The following PRSS23 variants were observed in gnomAD, a reference collection of about 807,000 sequenced individuals.
The protein encoded by PRSS23 is protease, serine 23.
A neutral mutation model predicts 34.7 loss-of-function variants in PRSS23; 25 were observed. That is an observed-to-expected ratio of 0.72 (90% confidence interval 0.53 to 1.01). PRSS23 has a LOEUF of 1.01. Ranked by LOEUF, PRSS23 falls within the 50% of genes least tolerant of loss-of-function variation. The pLI, the probability that PRSS23 is intolerant of heterozygous loss-of-function variation, is 0.00. For synonymous variants in PRSS23, 176 were observed against 186.6 expected (o/e 0.94, Z 0.46); for missense variants, 445 against 475.6 (o/e 0.94, Z 0.60).
At chr11:86,839,251 A>G (rs1948429901) in intron 2 of PRSS23, among the ~76,000 whole-genome samples, 1 of 152,212 alleles carries the variant, frequency 6.6e-6, no homozygotes, top group Admixed American at 6.5e-5. Context: ...ACCTTGAAAA[A>G]AGGTTAGACG....
At chr11:86,912,766 A>G (rs1482324995) in intron 2 of PRSS23, among the ~76,000 whole-genome samples, 1 of 152,142 alleles carries the variant, frequency 6.6e-6, no homozygotes, top group Non-Finnish European at 1.5e-5. Flanking sequence ...GGTTCATCTC[A>G]GAGCTTGTCT....
intron 2 of PRSS23, among the ~76,000 whole-genome samples, chr11:86,851,717 T>C (rs1329473094): frequency 1.3e-5 from 2 of 152,244 alleles, no homozygotes; most frequent in East Asian, 1.9e-4. Flanking sequence ...TGAAACAAGC[T>C]GCATAGACCA....
At chr11:86,799,947 T>C (rs1323978991), upstream of PRSS23, among the ~76,000 whole-genome samples, 2 of 152,218 alleles carry the variant, frequency 1.3e-5, no homozygotes, top group Admixed American at 6.5e-5. Flanking sequence ...TTCTGTTCTT[T>C]GGAGGCACCG....
At chr11:86,854,190 C>G (rs1472724028) in intron 2 of PRSS23, among the ~76,000 whole-genome samples, 1 of 152,046 alleles carries the variant, frequency 6.6e-6, no homozygotes, top group Non-Finnish European at 1.5e-5. Context: ...TTAGTAGAGA[C>G]AGGGTTTCAC....
At chr11:86,919,677 G>C (rs1298882002) in intron 2 of PRSS23, among the ~76,000 whole-genome samples, 1 of 152,108 alleles carries the variant, frequency 6.6e-6, no homozygotes, top group Non-Finnish European at 1.5e-5. Flanking sequence ...TTACCTCCCC[G>C]GGCCTCCGTT....
chr11:86,830,776 C>G (rs1425407967), intron 2 of PRSS23, among the ~76,000 whole-genome samples: 1 of 152,070 alleles, frequency 6.6e-6, no homozygotes, highest in African/African-American at 2.4e-5. Flanking sequence ...TTTGTAATAT[C>G]CTAGGAAGAT....
chr11:86,841,322 A>G lies in PRSS23; in HGVS notation c.206+17729A>G, dbSNP rs1948445850. 2.9e-5 allele frequency among the ~76,000 whole-genome samples: 4 copies of G among 137,400 alleles called. No homozygotes were observed. In the South Asian group the frequency reaches 9.8e-4, roughly 34 times the overall value. 90.1% of individuals were successfully genotyped at this position (137,400 alleles called of 152,430 possible). ...CCATTGCACTCCAGCCTGGGCAACA[A>G]GAGGGAAACTCCATCTCAAAAAAAA... On this transcript the variant is annotated intron_variant, in intron 2 of 2. Coordinates refer to the PRSS23 transcript ENST00000533902.
intron 2 of PRSS23, among the ~76,000 whole-genome samples, chr11:86,873,256 G>GTGTATATATA (rs142908794): frequency 0.29 from 34,663 of 118,466 alleles, 5,771 homozygotes; most frequent in East Asian, 0.45. Context: ...ACATATATAT[G>GTGTATATATA]TATATATATA....
At position 86,822,580 on chromosome 11, in the gene PRSS23, C is replaced by T. The variant is rs539812159; in HGVS notation, c.-11-797C>T. On this transcript the variant is annotated intron_variant, in intron 1 of 2. Coordinates refer to the PRSS23 transcript ENST00000533902. ...AGACTGCAGTGAGCTGTGATCACGCCACTGCACTTCAGCCTGGGCGACAAG... is the reference window on the plus strand; with the variant it reads ...AGACTGCAGTGAGCTGTGATCACGCTACTGCACTTCAGCCTGGGCGACAAG... Among the ~76,000 whole-genome samples the T allele has an allele frequency of 1.3e-4, 20 of 149,072 alleles. 1 individual carries two copies. The South Asian group carries it at 4.2e-3, about 32-fold the overall frequency.
At chr11:86,902,321 A>G (rs1164814020) in intron 2 of PRSS23, among the ~76,000 whole-genome samples, 2 of 152,168 alleles carry the variant, frequency 1.3e-5, no homozygotes, top group African/African-American at 2.4e-5. Flanking sequence ...ACCTTTGGCA[A>G]TATCTCCCAG....
At chr11:86,821,496 C>T in intron 1 of PRSS23, 2 of 1,610,884 alleles carry the variant, frequency 1.2e-6, no homozygotes, top group Non-Finnish European at 1.7e-6. Flanking sequence ...TTATGAGCTG[C>T]ACAAAGAAAA....
At chr11:86,800,449 G>A (rs12787975), upstream of PRSS23, 2 of 983,826 alleles carry the variant, frequency 2.0e-6, no homozygotes, top group East Asian at 1.1e-4. Context: ...CGGCGTCCGC[G>A]CGGCTTCCCC....
At chr11:86,795,573 CTG>C (rs1565346030), upstream of PRSS23, among the ~76,000 whole-genome samples, 1 of 152,212 alleles carries the variant, frequency 6.6e-6, no homozygotes, top group Non-Finnish European at 1.5e-5. Context: ...AGCTCAAAGA[CTG>C]TAACAGCAGG....
intron 1 of PRSS23, 31 bp from the exon 2 acceptor site, chr11:86,807,600 C>T (rs1275195710): frequency 1.3e-6 from 2 of 1,533,792 alleles, no homozygotes; most frequent in Non-Finnish European, 1.8e-6. Flanking sequence ...CAGCCCTTGC[C>T]CTCCTGACCT....
intron 1 of PRSS23, among the ~76,000 whole-genome samples, chr11:86,817,105 A>G (rs1203870674): frequency 6.6e-6 from 1 of 151,756 alleles, no homozygotes; most frequent in Admixed American, 6.6e-5. Context: ...TTTTTGCTTG[A>G]AAATATGGTT....
chr11:86,830,772 A>G (rs1948348506), intron 2 of PRSS23, among the ~76,000 whole-genome samples: 1 of 152,114 alleles, frequency 6.6e-6, no homozygotes, highest in Admixed American at 6.5e-5. Context: ...ATTATTTGTA[A>G]TATCCTAGGA....
At chr11:86,879,828 G>T (rs1209205831) in intron 2 of PRSS23, among the ~76,000 whole-genome samples, 72 of 109,178 alleles carry the variant, frequency 6.6e-4, no homozygotes, top group Non-Finnish European at 9.2e-4. Context: ...GGTGGGGGGG[G>T]TCAGCCCCCC....
At chr11:86,807,511 A>T in intron 1 of PRSS23, 120 bp from the exon 2 acceptor site, 1 of 954,388 alleles carries the variant, frequency 1.0e-6, no homozygotes, top group South Asian at 1.8e-5. Flanking sequence ...CCACACCCTG[A>T]TTCCTGAGGA....
chr11:86,909,033 T>G (rs1407130907), intron 2 of PRSS23: 1 of 151,734 alleles, frequency 6.6e-6, no homozygotes, highest in Non-Finnish European at 1.5e-5. Context: ...CTTCAAGCCA[T>G]CTACAGATGA....
Sources: gnomAD v4.1 joint callset for allele counts (sites outside exome capture counted in the v4.1 genomes callset) on GRCh38, gnomAD v4.1.1 for gene constraint, MANE v1.5 for transcripts, NCBI Gene and HGNC (gene_info 2026-07-23, HGNC 2026-07-21) for gene names.